PBLD: variants seen among roughly 807,000 people sequenced by gnomAD.
PBLD encodes the protein phenazine biosynthesis like protein domain containing, also known as phenazine biosynthesis-like domain-containing protein.
Under a neutral mutation model 31.3 loss-of-function variants are expected in PBLD, and 26 were observed. That is an observed-to-expected ratio of 0.83 (90% CI 0.61 to 1.15). The LOEUF is 1.15. Among genes scored for constraint, PBLD ranks in the 50% most tolerant of loss-of-function variants. The pLI is 0.00. For synonymous variants in PBLD, 114 were observed against 129.0 expected, an observed-to-expected ratio of 0.88 and a Z score of 0.79; for missense variants, 307 against 351.7, an observed-to-expected ratio of 0.87 and a Z score of 1.02.
At chr10:68,299,751 G>T (rs1355026997) in intron 2 of PBLD, among the ~76,000 whole-genome samples, 1 of 152,006 alleles carries the variant, frequency 6.6e-6, no homozygotes. Flanking sequence ...AGCTACTCAG[G>T]AGGTTGAGCA....
At chr10:68,331,205 T>TA (rs2045068372) in intron 1 of PBLD, 1 of 152,178 alleles carries the variant, frequency 6.6e-6, no homozygotes, top group Non-Finnish European at 1.5e-5. Context: ...TTAGGAACCT[T>TA]GGTGACATGA....
chr10:68,311,108 C>G (rs1373909458), intron 1 of PBLD, among the ~76,000 whole-genome samples: 1 of 152,188 alleles, frequency 6.6e-6, no homozygotes, highest in Admixed American at 6.5e-5. Flanking sequence ...TTAACGTACA[C>G]CGCTGAAAGC....
intron 1 of PBLD, among the ~76,000 whole-genome samples, chr10:68,317,949 C>T (rs762657973): frequency 7.2e-5 from 11 of 151,836 alleles, no homozygotes; most frequent in South Asian, 4.2e-4. Flanking sequence ...AAAGTAAGGC[C>T]GGGCACGGTG....
intron 1 of PBLD, among the ~76,000 whole-genome samples, chr10:68,309,801 G>A (rs1455302548): frequency 5.5e-5 from 7 of 127,700 alleles, no homozygotes; most frequent in Admixed American, 8.7e-5. Context: ...GAGAGACTCC[G>A]TCTCAAAAAA....
chr10:68,303,710 T>G (rs1009973602), intron 2 of PBLD, among the ~76,000 whole-genome samples: 13 of 152,164 alleles, frequency 8.5e-5, no homozygotes, highest in Non-Finnish European at 1.6e-4. Flanking sequence ...TAGTCTTTTA[T>G]CAAGTGTTCA....
At chr10:68,286,363 C>T (rs903039952) in intron 8 of PBLD, among the ~76,000 whole-genome samples, 6 of 152,076 alleles carry the variant, frequency 3.9e-5, no homozygotes, top group African/African-American at 1.2e-4. Context: ...GCTGGGATTA[C>T]AGGCATGAGC....
intron 1 of PBLD, among the ~76,000 whole-genome samples, chr10:68,324,352 T>C (rs1197149040): frequency 6.6e-6 from 1 of 151,940 alleles, no homozygotes; most frequent in African/African-American, 2.4e-5. Context: ...AATTTTTGTA[T>C]TTTTTGTAGA....
rs572806781 is a variant in PBLD at position 68,324,717 on chromosome 10, C to T, written c.-60+8067G>A. 8.2e-4 allele frequency among the ~76,000 whole-genome samples: 124 copies of T among 151,964 alleles called. 2 individuals are homozygous for T. The South Asian group carries it at 0.011, about 14-fold the overall frequency. ...ACAACCTCTGCCTCACAGGCTCAAA[C>T]GATTCTCCTGCCTCAGCCTCCCAAG... On this transcript the variant is annotated intron_variant, in intron 1 of 9. Coordinates refer to ENST00000358769, the MANE Select transcript of PBLD (RefSeq NM_022129.4).
chr10:68,322,519 A>AG (rs1327208000), intron 1 of PBLD, among the ~76,000 whole-genome samples: 1 of 150,932 alleles, frequency 6.6e-6, no homozygotes, highest in Non-Finnish European at 1.5e-5. Context: ...AAAAAAAAAA[A>AG]CAGGCATGGT....
intron 6 of PBLD, 104 bp from the exon 7 acceptor site, chr10:68,289,123 GCA>G: frequency 1.2e-6 from 1 of 836,132 alleles, no homozygotes; most frequent in South Asian, 1.5e-5. Context: ...TGTGAGCCAA[GCA>G]TGCCCATCGT....
intron 1 of PBLD, among the ~76,000 whole-genome samples, chr10:68,321,506 A>G (rs2044834556): frequency 2.0e-5 from 3 of 152,244 alleles, no homozygotes; most frequent in Admixed American, 6.5e-5. Context: ...AATAAAAAGC[A>G]TGTCCTTCAA....
At chr10:68,313,353 G>C (rs2044695977) in intron 1 of PBLD, among the ~76,000 whole-genome samples, 1 of 151,922 alleles carries the variant, frequency 6.6e-6, no homozygotes, top group African/African-American at 2.4e-5. Context: ...AATCCCATTT[G>C]TCTATTTTTT....
At chr10:68,330,443 G>A (rs1344008073) in intron 1 of PBLD, among the ~76,000 whole-genome samples, 1 of 152,178 alleles carries the variant, frequency 6.6e-6, no homozygotes, top group African/African-American at 2.4e-5. Flanking sequence ...GGACATTGAA[G>A]ATTGTCTACA....
intron 4 of PBLD, among the ~76,000 whole-genome samples, chr10:68,294,378 A>C (rs997693142): frequency 2.0e-5 from 3 of 152,112 alleles, no homozygotes; most frequent in African/African-American, 7.2e-5. Flanking sequence ...TAGGGTACAA[A>C]ATGTAAGGAG....
intron 1 of PBLD, among the ~76,000 whole-genome samples, chr10:68,315,323 G>T (rs1402238672): frequency 6.6e-6 from 1 of 152,138 alleles, no homozygotes; most frequent in South Asian, 2.1e-4. Context: ...GGTGGCTTGT[G>T]CCTGTAATCC....
intron 1 of PBLD, among the ~76,000 whole-genome samples, chr10:68,316,147 G>A (rs541916191): frequency 6.6e-6 from 1 of 152,258 alleles, no homozygotes; most frequent in South Asian, 2.1e-4. Context: ...CCCTGAGGGA[G>A]TCCCAATGTC....
chr10:68,319,087 G>GAAAT, intron 1 of PBLD, among the ~76,000 whole-genome samples: 1 of 125,048 alleles, frequency 8.0e-6, no homozygotes, highest in South Asian at 2.9e-4. Context: ...AAGAAAGAAA[G>GAAAT]AAAGAAAGAA....
At chr10:68,284,363 T>C (rs1292597199) in intron 9 of PBLD, 74 bp from the exon 10 acceptor site, 5 of 1,299,678 alleles carry the variant, frequency 3.8e-6, no homozygotes, top group Middle Eastern at 1.9e-4. Flanking sequence ...GAAAGACTTA[T>C]TACAAATCTT....
chr10:68,300,615 T>G (rs1458513249), intron 2 of PBLD, among the ~76,000 whole-genome samples: 1 of 132,772 alleles, frequency 7.5e-6, no homozygotes, highest in Non-Finnish European at 1.6e-5. Flanking sequence ...ACATTAAAGT[T>G]TGAGAAACCC....
Sources: gnomAD v4.1 joint callset for allele counts (sites outside exome capture counted in the v4.1 genomes callset) on GRCh38, gnomAD v4.1.1 for gene constraint, MANE v1.5 for transcripts, NCBI Gene and HGNC (gene_info 2026-07-23, HGNC 2026-07-21) for gene names.